GALNT1: variants seen among roughly 807,000 people sequenced by gnomAD.
The protein encoded by GALNT1 is polypeptide N-acetylgalactosaminyltransferase 1, also known as GalNAc transferase 1.
A neutral mutation model predicts 65.7 loss-of-function variants in GALNT1; 17 were observed. The ratio of observed to expected loss-of-function variants is 0.26; its 90% CI spans 0.18 to 0.39. GALNT1 has a LOEUF of 0.39. Ranked by LOEUF, GALNT1 falls within the 10% of genes least tolerant of loss-of-function variation. The pLI is 1.00. For synonymous variants in GALNT1, 210 were observed against 219.7 expected, an observed-to-expected ratio of 0.96 and a Z score of 0.39; for missense variants, 460 against 672.8, an observed-to-expected ratio of 0.68 and a Z score of 3.50.
intron 1 of GALNT1, among the ~76,000 whole-genome samples, chr18:35,603,103 A>G (rs2046602558): frequency 6.6e-6 from 1 of 152,126 alleles, no homozygotes; most frequent in Admixed American, 6.6e-5. Flanking sequence ...GGCTCTTGCA[A>G]ATACTCAGAG....
intron 1 of GALNT1, among the ~76,000 whole-genome samples, chr18:35,652,784 C>T (rs1442036749): frequency 6.6e-6 from 1 of 152,196 alleles, no homozygotes; most frequent in Non-Finnish European, 1.5e-5. Flanking sequence ...CTGCACTTCA[C>T]CTTCAATCTT....
intron 2 of GALNT1, among the ~76,000 whole-genome samples, chr18:35,662,445 G>A (rs898398440): frequency 6.6e-6 from 1 of 152,110 alleles, no homozygotes; most frequent in African/African-American, 2.4e-5. Flanking sequence ...CGTGGTTGAG[G>A]ACACAGTGAA....
chr18:35,617,659 T>G (rs1246206981), intron 1 of GALNT1, among the ~76,000 whole-genome samples: 1 of 152,190 alleles, frequency 6.6e-6, no homozygotes, highest in African/African-American at 2.4e-5. Context: ...ACCTCTAACA[T>G]TCTTCAGTAT....
At chr18:35,680,269 C>T (rs2144591546) in intron 4 of GALNT1, among the ~76,000 whole-genome samples, 1 of 152,316 alleles carries the variant, frequency 6.6e-6, no homozygotes, top group Middle Eastern at 3.4e-3. Flanking sequence ...GCACTGTTAA[C>T]ATTGAATCAT....
At chr18:35,616,998 G>A (rs752925842) in intron 1 of GALNT1, among the ~76,000 whole-genome samples, 51 of 152,206 alleles carry the variant, frequency 3.4e-4, no homozygotes, top group Non-Finnish European at 6.8e-4. Context: ...CCAGAGTGAG[G>A]TGTGGTATGA....
rs112973755 is a variant in GALNT1, at chr18:35,636,975, C to G, written c.-103-17585C>G. 6.4e-3 allele frequency among the ~76,000 whole-genome samples: 967 copies of G among 151,704 alleles called. 18 individuals carry two copies. Among genetic ancestry groups the G allele is most frequent in the African/African-American group, 0.022 (917 of 41,368 alleles). On this transcript the variant is annotated intron_variant, in intron 1 of 11. Coordinates refer to ENST00000269195, the MANE Select transcript of GALNT1 (RefSeq NM_020474.4). ...GTTGTGGTGATTTTTGATTAGTGAT[C>G]TTTGTTGTTATTATTGTAATCATTT...
chr18:35,615,917 G>A (rs1178780395), intron 1 of GALNT1, among the ~76,000 whole-genome samples: 1 of 152,204 alleles, frequency 6.6e-6, no homozygotes, highest in African/African-American at 2.4e-5. Context: ...CAGATAGTAA[G>A]TATTTTAGCC....
At chr18:35,583,689 T>C (rs1173285800) in intron 1 of GALNT1, among the ~76,000 whole-genome samples, 1 of 152,164 alleles carries the variant, frequency 6.6e-6, no homozygotes, top group African/African-American at 2.4e-5. Flanking sequence ...CGCGAGACCC[T>C]GTCTCAAAAA....
chr18:35,694,677 C>G (rs1303917905), intron 9 of GALNT1, among the ~76,000 whole-genome samples: 2 of 152,220 alleles, frequency 1.3e-5, no homozygotes, highest in African/African-American at 2.4e-5. Context: ...TAGAAGCACT[C>G]CACGTGTCCG....
intron 3 of GALNT1, among the ~76,000 whole-genome samples, chr18:35,675,566 C>T (rs2047699879): frequency 6.6e-6 from 1 of 152,128 alleles, no homozygotes; most frequent in South Asian, 2.1e-4. Context: ...TTTGGGTTAT[C>T]ACTTCTCTTC....
intron 3 of GALNT1, among the ~76,000 whole-genome samples, chr18:35,671,211 A>G (rs573166893): frequency 2.0e-5 from 3 of 152,064 alleles, no homozygotes; most frequent in Non-Finnish European, 4.4e-5. Flanking sequence ...CTCACTCTGT[A>G]TATACACACA....
intron 1 of GALNT1, among the ~76,000 whole-genome samples, chr18:35,584,772 T>C (rs374395708): frequency 1.3e-5 from 2 of 152,262 alleles, no homozygotes; most frequent in East Asian, 1.9e-4. Flanking sequence ...CACAGTAGTG[T>C]TTGCCCTATG....
chr18:35,634,544 G>C (rs2047064353), intron 1 of GALNT1, among the ~76,000 whole-genome samples: 1 of 152,138 alleles, frequency 6.6e-6, no homozygotes, highest in Non-Finnish European at 1.5e-5. Flanking sequence ...TCTCCCTATG[G>C]AGTCACACAG....
chr18:35,707,085 G>A (rs1005343242), intron 11 of GALNT1, among the ~76,000 whole-genome samples: 1 of 152,030 alleles, frequency 6.6e-6, no homozygotes, highest in Non-Finnish European at 1.5e-5. Flanking sequence ...ACAGTACCAC[G>A]CTATTTTTGA....
At chr18:35,707,478 TCAG>T (rs1261328515) in intron 11 of GALNT1, among the ~76,000 whole-genome samples, 1 of 152,196 alleles carries the variant, frequency 6.6e-6, no homozygotes, top group Non-Finnish European at 1.5e-5. Context: ...GTGCCTGCTG[TCAG>T]CAGCCAGAGT....
chr18:35,640,186 T>A (rs1427957799), intron 1 of GALNT1, among the ~76,000 whole-genome samples: 1 of 152,346 alleles, frequency 6.6e-6, no homozygotes, highest in East Asian at 1.9e-4. Flanking sequence ...TTTTTTGCCT[T>A]ATTAAAACCT....
intron 11 of GALNT1, among the ~76,000 whole-genome samples, chr18:35,704,852 C>T (rs1238471276): frequency 6.6e-6 from 1 of 152,032 alleles, no homozygotes; most frequent in Non-Finnish European, 1.5e-5. Context: ...CCATGTTGGC[C>T]AGGCTGGTCT....
rs79283985 is a variant in GALNT1 at position 35,686,619 on chromosome 18, C to T, written c.690-397C>T. On this transcript the variant is annotated intron_variant, in intron 5 of 11. Transcript: ENST00000269195. ...ACAGCAGAAGAAAAAGGGACCATTA[C>T]ATAAATAGTGGTGGAACAACTGGTT... 8.4e-3 allele frequency among the ~76,000 whole-genome samples: 1,273 copies of T among 152,030 alleles called. 21 individuals are homozygous for T. Among genetic ancestry groups the T allele is most frequent in the East Asian group, 0.046 (237 of 5,176 alleles).
chr18:35,685,381 A>G lies in GALNT1; in HGVS notation c.690-1635A>G, dbSNP rs115066046. ...TAAACACCTCTGATCACTCCCATAG[A>G]TAATGAAAAAGGGTTCACTGAAATT... is the stretch of plus-strand genomic sequence containing the variant. On this transcript the variant is annotated intron_variant, in intron 5 of 11. Transcript: ENST00000269195. 6.4e-3 allele frequency among the ~76,000 whole-genome samples: 969 copies of G among 152,246 alleles called. 16 individuals are homozygous for G. The highest frequency in any genetic ancestry group is 0.022 in the African/African-American group (919 of 41,542).
Sources: gnomAD v4.1 joint callset for allele counts (sites outside exome capture counted in the v4.1 genomes callset) on GRCh38, gnomAD v4.1.1 for gene constraint, MANE v1.5 for transcripts, NCBI Gene and HGNC (gene_info 2026-07-23, HGNC 2026-07-21) for gene names.